CPNE8: variants seen among roughly 807,000 people sequenced by gnomAD.
The protein encoded by CPNE8 is copine-8.
In CPNE8, 45 loss-of-function variants were observed where a neutral mutation model predicts 81.5. The ratio of observed to expected loss-of-function variants is 0.55; its 90% CI spans 0.44 to 0.71. The LOEUF (loss-of-function observed/expected upper bound fraction) is 0.71. Ranked by LOEUF, CPNE8 falls within the 30% of genes least tolerant of loss-of-function variation. CPNE8 has a pLI of 0.00. For missense variants in CPNE8, 594 were observed against 672.1 expected (o/e 0.88, Z 1.28); for synonymous variants, 252 against 226.3 (o/e 1.11, Z -1.02).
At chr12:38,877,127 T>G (rs1407729957) in intron 1 of CPNE8, among the ~76,000 whole-genome samples, 1 of 152,180 alleles carries the variant, frequency 6.6e-6, no homozygotes. Flanking sequence ...TACCTCAGTT[T>G]CTGGAGAAAT....
chr12:38,660,801 G>T (rs1306094626), intron 19 of CPNE8, among the ~76,000 whole-genome samples: 1 of 152,090 alleles, frequency 6.6e-6, no homozygotes, highest in African/African-American at 2.4e-5. Flanking sequence ...GTGGGCAAAG[G>T]ATATGAACAG....
intron 8 of CPNE8, among the ~76,000 whole-genome samples, chr12:38,763,953 G>A (rs956613152): frequency 1.3e-5 from 2 of 151,982 alleles, no homozygotes; most frequent in African/African-American, 4.8e-5. Context: ...TTTCTATTAA[G>A]AGATAAGATA....
chr12:38,800,179 T>A (rs1176891524), intron 6 of CPNE8, among the ~76,000 whole-genome samples: 72 of 117,056 alleles, frequency 6.2e-4, no homozygotes, highest in East Asian at 2.6e-3. Flanking sequence ...CCTGCCTGCC[T>A]CTGTAGGCTC....
chr12:38,746,733 C>T (rs117533830), intron 10 of CPNE8, among the ~76,000 whole-genome samples: 9,664 of 152,194 alleles, frequency 0.063, 370 homozygotes, highest in Non-Finnish European at 0.087. Context: ...TCAAAATCAT[C>T]GTCATAAAGC....
chr12:38,816,658 C>A lies in CPNE8; in HGVS notation c.407+12721G>T, dbSNP rs564267955. Among the ~76,000 whole-genome samples the A allele has an allele frequency of 2.6e-5, 4 of 152,212 alleles. No homozygotes were observed. In the South Asian group the frequency reaches 8.3e-4, roughly 32 times the overall value. On this transcript the variant is annotated intron_variant, in intron 6 of 19. Coordinates refer to ENST00000331366, the MANE Select transcript of CPNE8 (RefSeq NM_153634.3). ...AGAAAAACTAACAATTCACAGTTAG[C>A]CAGAAATTGTATATTTATTTTAAAA...
chr12:38,883,480 C>A (rs1276879600), intron 1 of CPNE8, among the ~76,000 whole-genome samples: 1 of 152,194 alleles, frequency 6.6e-6, no homozygotes, highest in East Asian at 1.9e-4. Flanking sequence ...AGAGAATTAA[C>A]AAATAAAAGC....
chr12:38,837,371 C>A (rs1943400194), intron 5 of CPNE8, among the ~76,000 whole-genome samples: 2 of 151,976 alleles, frequency 1.3e-5, no homozygotes, highest in Non-Finnish European at 2.9e-5. Flanking sequence ...TTTAGATCTA[C>A]TTGAGTTTTA....
rs752007210 is a variant in CPNE8, at chr12:38,677,434, G to A, written c.1374+18C>T. The A allele has an allele frequency of 3.2e-5, 44 of 1,380,128 alleles. No homozygotes were observed. The highest frequency in any genetic ancestry group is 1.9e-4 in the South Asian group (16 of 86,374). 85.5% of individuals were successfully genotyped at this position (1,380,128 alleles called of 1,614,324 possible). ...TGTTGTCACGTAGCGAGCCCAATAC[G>A]GAGTGACCCCCACTTACATTAACTA... On this transcript the variant is annotated intron_variant, in intron 17 of 19. Transcript: ENST00000331366.
intron 6 of CPNE8, among the ~76,000 whole-genome samples, chr12:38,801,469 T>C (rs1354377783): frequency 9.1e-5 from 4 of 43,982 alleles, no homozygotes; most frequent in African/African-American, 4.4e-4. Flanking sequence ...AGAGATTTTG[T>C]CACCACCAGG....
intron 13 of CPNE8, among the ~76,000 whole-genome samples, chr12:38,716,055 AG>A (rs1940381371): frequency 6.6e-6 from 1 of 151,994 alleles, no homozygotes; most frequent in Non-Finnish European, 1.5e-5. Context: ...GCTGCAAAAA[AG>A]AAAGAAAAGA....
chr12:38,851,789 T>A (rs1943650483), intron 3 of CPNE8, among the ~76,000 whole-genome samples: 1 of 152,190 alleles, frequency 6.6e-6, no homozygotes, highest in African/African-American at 2.4e-5. Context: ...TAATAAAATC[T>A]CTTTTCTTTG....
intron 3 of CPNE8, among the ~76,000 whole-genome samples, chr12:38,850,056 A>G (rs1186268315): frequency 2.0e-5 from 3 of 152,114 alleles, no homozygotes; most frequent in South Asian, 2.1e-4. Flanking sequence ...TTAATTTTCT[A>G]ATCTGAAGGG....
chr12:38,827,673 C>T (rs1943220684), intron 6 of CPNE8, among the ~76,000 whole-genome samples: 1 of 152,106 alleles, frequency 6.6e-6, no homozygotes, highest in South Asian at 2.1e-4. Flanking sequence ...TTTGTAGCAA[C>T]AGTAATGGAA....
At chr12:38,789,767 C>T (rs1241998406) in intron 6 of CPNE8, among the ~76,000 whole-genome samples, 2 of 151,656 alleles carry the variant, frequency 1.3e-5, no homozygotes, top group Non-Finnish European at 3.0e-5. Context: ...ATCTAATAAC[C>T]TCATTGAAAA....
intron 13 of CPNE8, among the ~76,000 whole-genome samples, chr12:38,715,626 A>G (rs781162426): frequency 6.6e-6 from 1 of 152,092 alleles, no homozygotes; most frequent in Non-Finnish European, 1.5e-5. Flanking sequence ...CAAAATAAGC[A>G]TGCAAAGGAC....
At chr12:38,682,202 A>G (rs2136655882) in intron 16 of CPNE8, among the ~76,000 whole-genome samples, 1 of 152,268 alleles carries the variant, frequency 6.6e-6, no homozygotes, top group African/African-American at 2.4e-5. Flanking sequence ...CCTGAGTGAC[A>G]GAGAGAGATT....
At chr12:38,848,307 C>G (rs1016973305) in intron 4 of CPNE8, among the ~76,000 whole-genome samples, 1 of 152,088 alleles carries the variant, frequency 6.6e-6, no homozygotes, top group Non-Finnish European at 1.5e-5. Context: ...TCCACTGAAG[C>G]ACAGGGCAGT....
At chr12:38,812,004 T>A (rs550672553) in intron 6 of CPNE8, among the ~76,000 whole-genome samples, 27 of 152,188 alleles carry the variant, frequency 1.8e-4, no homozygotes, top group Non-Finnish European at 3.7e-4. Flanking sequence ...ATAGTAATGA[T>A]GTCATAACTG....
At chr12:38,663,285 C>CA (rs1403618830) in intron 19 of CPNE8, among the ~76,000 whole-genome samples, 2 of 151,422 alleles carry the variant, frequency 1.3e-5, no homozygotes, top group Admixed American at 1.3e-4. Flanking sequence ...AAACAAAAAA[C>CA]AAAAAACAAA....
Sources: gnomAD v4.1 joint callset for allele counts (sites outside exome capture counted in the v4.1 genomes callset) on GRCh38, gnomAD v4.1.1 for gene constraint, MANE v1.5 for transcripts, NCBI Gene and HGNC (gene_info 2026-07-23, HGNC 2026-07-21) for gene names.